Variants in SLC13A4 observed in about 807,000 individuals in gnomAD.
SLC13A4 encodes solute carrier family 13 member 4, also known as Na(+)/sulfate cotransporter SUT-1.
A neutral mutation model predicts 72.7 loss-of-function variants in SLC13A4; 28 were observed. That is an observed-to-expected ratio of 0.39 (90% CI 0.29 to 0.53). The LOEUF (loss-of-function observed/expected upper bound fraction) is 0.53. Among genes scored for constraint, SLC13A4 ranks in the 20% least tolerant of loss-of-function variants. The probability of loss-of-function intolerance (pLI) is 0.78; values close to 1 mark genes in which losing one functional copy is unlikely to be tolerated. For missense variants in SLC13A4, 653 were observed against 788.0 expected, an observed-to-expected ratio of 0.83 and a Z score of 2.05; for synonymous variants, 312 against 325.5, an observed-to-expected ratio of 0.96 and a Z score of 0.45.
At chr7:135,712,026 G>C (rs1423286161) in intron 2 of SLC13A4, among the ~76,000 whole-genome samples, 1 of 113,588 alleles carries the variant, frequency 8.8e-6, no homozygotes, top group African/African-American at 3.4e-5. Context: ...TAACCAGCTT[G>C]TTGGCCAGGC....
At chr7:135,694,039 C>T in intron 10 of SLC13A4, 98 bp downstream of exon 10, 1 of 757,408 alleles carries the variant, frequency 1.3e-6, no homozygotes, top group South Asian at 1.6e-5. Flanking sequence ...AAAATTCTCC[C>T]AGTGTCAGGG....
intron 9 of SLC13A4, among the ~76,000 whole-genome samples, chr7:135,694,867 CT>C (rs1231816631): frequency 6.6e-6 from 1 of 152,174 alleles, no homozygotes; most frequent in African/African-American, 2.4e-5. Flanking sequence ...ATTATCTTCC[CT>C]TATGTGTTTG....
At chr7:135,685,911 A>T (rs902503095) in intron 13 of SLC13A4, among the ~76,000 whole-genome samples, 2 of 152,336 alleles carry the variant, frequency 1.3e-5, no homozygotes, top group Admixed American at 6.5e-5. Context: ...GGGTTTCGTC[A>T]TGGGACATGG....
intron 13 of SLC13A4, among the ~76,000 whole-genome samples, chr7:135,688,220 C>T (rs1584716138): frequency 6.6e-6 from 1 of 151,718 alleles, no homozygotes; most frequent in East Asian, 1.9e-4. Flanking sequence ...AGGTGATCCA[C>T]CCACCTTGGC....
At chr7:135,705,751 T>A in intron 4 of SLC13A4, 101 bp from the exon 5 acceptor site, 1 of 944,392 alleles carries the variant, frequency 1.1e-6, no homozygotes, top group Non-Finnish European at 1.7e-6. Context: ...GTGGGCCATA[T>A]GGAGTGGGTG....
At chr7:135,719,173 A>G (rs1584740756) in intron 2 of SLC13A4, among the ~76,000 whole-genome samples, 1 of 152,014 alleles carries the variant, frequency 6.6e-6, no homozygotes, top group Non-Finnish European at 1.5e-5. Context: ...GAGTCCTGTT[A>G]CCCTCCCAAG....
At chr7:135,725,595 A>G (rs1319247247) in intron 1 of SLC13A4, among the ~76,000 whole-genome samples, 1 of 152,182 alleles carries the variant, frequency 6.6e-6, no homozygotes, top group African/African-American at 2.4e-5. Context: ...GCTCCTGCCC[A>G]GGTACTCCAT....
chr7:135,723,490 C>T (rs998330851), intron 1 of SLC13A4, among the ~76,000 whole-genome samples: 4 of 152,052 alleles, frequency 2.6e-5, no homozygotes, highest in Non-Finnish European at 4.4e-5. Flanking sequence ...CACCAAGCTC[C>T]GTGACTCAGA....
At chr7:135,696,820 C>G (rs1254345823) in intron 8 of SLC13A4, among the ~76,000 whole-genome samples, 1 of 152,246 alleles carries the variant, frequency 6.6e-6, no homozygotes, top group African/African-American at 2.4e-5. Context: ...ATCACCAAAT[C>G]TAATGGATAC....
chr7:135,716,368 G>T (rs746989769), intron 2 of SLC13A4, among the ~76,000 whole-genome samples: 2 of 152,178 alleles, frequency 1.3e-5, no homozygotes, highest in Non-Finnish European at 2.9e-5. Context: ...GCAGTGGCAT[G>T]ATCTTGGCTC....
At chr7:135,724,654 A>C (rs536868989) in intron 1 of SLC13A4, among the ~76,000 whole-genome samples, 1 of 152,178 alleles carries the variant, frequency 6.6e-6, no homozygotes, top group South Asian at 2.1e-4. Context: ...CGACTAGGTT[A>C]CTGGAAGAAG....
chr7:135,699,491 T>A lies in SLC13A4; in HGVS notation c.772A>T (p.Arg258Trp), dbSNP rs1267459869. 1.2e-6 allele frequency: 2 copies of A among 1,612,144 alleles called. No individual in the cohort carries two copies. The highest frequency in any genetic ancestry group is 4.5e-5 in the East Asian group (2 of 44,842). ...CAGATCATCTGGTCATGGTGGGACCTGTACTTTCTGTTCAGCTTCTGCTTC... is the reference window on the plus strand; with the variant it reads ...CAGATCATCTGGTCATGGTGGGACCAGTACTTTCTGTTCAGCTTCTGCTTC... ...PRKQKLNRKY[R>W]SHHDQMICKC... Residue 258 changes from arginine (R) to tryptophan (W), a missense_variant, in exon 8 of 16, where the codon AGG (arginine) becomes TGG (tryptophan). Coordinates refer to ENST00000682651, the MANE Select transcript of SLC13A4 (RefSeq NM_001318192.2).
intron 2 of SLC13A4, among the ~76,000 whole-genome samples, chr7:135,719,430 T>C (rs1796495532): frequency 6.6e-6 from 1 of 152,158 alleles, no homozygotes; most frequent in Non-Finnish European, 1.5e-5. Flanking sequence ...TTTCTAAACA[T>C]CATTTTTTTT....
In SLC13A4 at chr7:135,683,487, C is replaced by T. The variant is rs7805418; in HGVS notation, c.1746+637G>A. The T allele has an allele frequency of 3.2e-4, 301 of 949,828 alleles. 2 individuals carry two copies. The highest frequency in any genetic ancestry group is 1.7e-3 in the South Asian group (35 of 20,460). The allele number at this position is 949,828 out of a possible 1,614,324, so 58.8% of individuals were successfully genotyped here. A position where few individuals can be genotyped will look rare whatever the true frequency, so the allele number is the denominator to read the frequency against. On this transcript the variant is annotated intron_variant, in intron 15 of 15. Coordinates refer to ENST00000682651, the MANE Select transcript of SLC13A4 (RefSeq NM_001318192.2). Reference sequence around the variant, plus strand: ...CAGTGTTTTCCATCCTCTCCCCCCCCGCTCAGCCCTGGATACTAAGTATAG... The same window carrying T: ...CAGTGTTTTCCATCCTCTCCCCCCCTGCTCAGCCCTGGATACTAAGTATAG...
intron 13 of SLC13A4, among the ~76,000 whole-genome samples, chr7:135,690,800 C>T (rs1277209302): frequency 2.0e-5 from 3 of 152,174 alleles, no homozygotes; most frequent in Non-Finnish European, 4.4e-5. Flanking sequence ...TTCTCAGCTG[C>T]TTTGAGTCTT....
Position 135,695,393 on chromosome 7 carries a change from T to C in SLC13A4, c.994A>G (p.Met332Val). The part of the protein sequence containing the change: ...LIMLVVSWFW[M>V]HWLFLGCNFK... The stretch of plus-strand genomic sequence containing the variant: ...TTGCAGCCCAGGAACAGCCAGTGCA[T>C]CCAGAACCAGCTGACCACCAGCATG... The change falls in exon 9 of 16, where the codon ATG (methionine) becomes GTG (valine). Residue 332 changes from methionine (M) to valine (V), a missense_variant. Physicochemically the swap from Met to Val is conservative, Grantham distance 21. Transcript: ENST00000682651. The C allele has an allele frequency of 2.5e-6, 4 of 1,614,062 alleles. No homozygotes were observed. Among genetic ancestry groups the C allele is most frequent in the Non-Finnish European group, 3.4e-6 (4 of 1,179,996 alleles).
intron 8 of SLC13A4, among the ~76,000 whole-genome samples, chr7:135,697,508 C>T (rs139364022): frequency 5.3e-5 from 8 of 152,260 alleles, no homozygotes; most frequent in African/African-American, 1.2e-4. Context: ...GCCAAGCCAC[C>T]GGCTGCCCTG....
chr7:135,695,548 G>C, intron 8 of SLC13A4, 61 bp from the exon 9 acceptor site: 1 of 1,559,386 alleles, frequency 6.4e-7, no homozygotes, highest in Non-Finnish European at 8.7e-7. Context: ...GGTATTTTGG[G>C]GTAGTATGCC....
rs1796690632 is a variant in SLC13A4 at position 135,727,466 on chromosome 7, G to A, written c.31C>T (p.Arg11Trp). MGLLQGLLRV[R>W]KLLLVVCVPL... is the part of the protein sequence containing the mutation. ...ACGCAGACGACCAGCAGCAGCTTCC[G>A]GACTCGGAGCAGGCCCTGCAGCAGG... The change falls in exon 1 of 16, where the codon CGG becomes TGG. Residue 11 changes from arginine (R) to tryptophan (W), a missense_variant. By Grantham distance (101) the Arg-to-Trp change is moderately radical (BLOSUM62 -3). Coordinates refer to ENST00000682651, the MANE Select transcript of SLC13A4 (RefSeq NM_001318192.2). The A allele has an allele frequency of 1.3e-6, 2 of 1,550,442 alleles. No homozygotes were observed. The highest frequency in any genetic ancestry group is 1.2e-5 in the South Asian group (1 of 84,010).
Sources: gnomAD v4.1 joint callset for allele counts (sites outside exome capture counted in the v4.1 genomes callset) on GRCh38, gnomAD v4.1.1 for gene constraint, MANE v1.5 for transcripts, NCBI Gene and HGNC (gene_info 2026-07-23, HGNC 2026-07-21) for gene names.